Variants in MYOF observed in about 807,000 individuals in gnomAD.
MYOF encodes fer-1-like 3, myoferlin.
A neutral mutation model predicts 284.2 loss-of-function variants in MYOF; 244 were observed. The observed-to-expected ratio is 0.86, with a 90% CI of 0.77 to 0.95. The LOEUF is 0.95. Ranked by LOEUF, MYOF falls within the 40% of genes least tolerant of loss-of-function variation. The pLI is 0.00. For synonymous variants in MYOF, 904 were observed against 919.7 expected (o/e 0.98, Z 0.31); for missense variants, 2,496 against 2,560.6 (o/e 0.97, Z 0.54).
chr10:93,351,986 G>C (rs1180190973), intron 32 of MYOF, 140 bp from the exon 33 acceptor site: 2 of 768,082 alleles, frequency 2.6e-6, no homozygotes, highest in East Asian at 5.9e-5. Context: ...GGTTTCTAGG[G>C]AGCAGGGAGT....
At chr10:93,470,094 T>C (rs2134381362) in intron 1 of MYOF, among the ~76,000 whole-genome samples, 1 of 151,736 alleles carries the variant, frequency 6.6e-6, no homozygotes, top group Non-Finnish European at 1.5e-5. Context: ...CCAAGCATGA[T>C]GGTGCGCACC....
intron 24 of MYOF, 30 bp downstream of exon 24, chr10:93,372,900 T>A: frequency 6.2e-7 from 1 of 1,613,002 alleles, no homozygotes; most frequent in Non-Finnish European, 8.5e-7. Flanking sequence ...GCATTTAGTG[T>A]GTTTCACATG....
At position 93,351,207 on chromosome 10, in the gene MYOF, G is replaced by T; in HGVS notation, c.3911C>A (p.Thr1304Asn). 1 of 1,614,190 alleles carries T rather than the reference G, an allele frequency of 6.2e-7. No homozygotes were observed. The highest frequency in any genetic ancestry group is 8.5e-7 in the Non-Finnish European group (1 of 1,180,008). The change falls in exon 35 of 54, where the codon ACT (threonine) becomes AAT (asparagine). Residue 1304 changes from threonine to asparagine, a missense_variant. This residue lies in a region of MYOF where 2,436 missense variants were observed against 2,480.7 expected (regional missense o/e 0.98). Transcript: ENST00000359263. ...TGGGGAGCAGCATACCTCAATGGCA[G>T]TGAGCTGGACCACAGGCCTGATCCC... ...PQGIRPVVQLTAIEILAWGLR... is the reference protein window; with the variant it reads ...PQGIRPVVQLNAIEILAWGLR...
chr10:93,310,107 C>T lies in MYOF; in HGVS notation c.6060G>A (p.Val2020=). 1 of 1,614,148 alleles carries T rather than the reference C, an allele frequency of 6.2e-7. No individual in the cohort carries two copies. Among genetic ancestry groups the T allele is most frequent in the Non-Finnish European group, 8.5e-7 (1 of 1,180,032 alleles). The part of the protein sequence containing the change: ...TNPCKTMKFI[V]WRRFKWVIIG... ...TGATGACCCACTTAAAGCGGCGCCA[C>T]ACGATGAACTTCATGGTCTTGCATG... The change falls in exon 53 of 54, where the codon GTG becomes GTA. Residue 2020 remains valine, a synonymous_variant. Transcript: ENST00000359263.
rs765341682 is a variant in MYOF, at chr10:93,310,165, C to T, written c.6002G>A (p.Arg2001Gln). 8.7e-6 allele frequency: 14 copies of T among 1,613,690 alleles called. No homozygotes were observed. The highest frequency in any genetic ancestry group is 1.7e-5 in the Admixed American group (1 of 59,978). The change falls in exon 53 of 54, where the codon CGA (arginine) becomes CAA (glutamine). Residue 2001 changes from arginine (R) to glutamine (Q), a missense_variant and splice_region_variant. By Grantham distance (43) the Arg-to-Gln change is conservative (BLOSUM62 1). Coordinates refer to ENST00000359263, the MANE Select transcript of MYOF (RefSeq NM_013451.4). The part of the protein sequence containing the change: ...NMNPKLDLPN[R>Q]PETSFLWFTN... ...GAACCAGAGGAAGGAGGTTTCTGGT[C>T]GACTGCATTGCAAAGAAACAGTATC...
chr10:93,324,923 G>T (rs142413311), intron 46 of MYOF, among the ~76,000 whole-genome samples: 10 of 152,084 alleles, frequency 6.6e-5, no homozygotes, highest in Admixed American at 3.3e-4. Context: ...GGGGTTACAG[G>T]CACCCACCAC....
intron 4 of MYOF, 109 bp downstream of exon 4, chr10:93,431,299 C>T: frequency 1.2e-6 from 1 of 838,640 alleles, no homozygotes; most frequent in South Asian, 1.6e-5. Flanking sequence ...TCCCAAAGTG[C>T]TGGGATTACA....
At chr10:93,458,329 G>T (rs1356073519) in intron 1 of MYOF, among the ~76,000 whole-genome samples, 1 of 151,168 alleles carries the variant, frequency 6.6e-6, no homozygotes, top group Non-Finnish European at 1.5e-5. Context: ...CTCCAGCCTG[G>T]GAAACAAAGC....
intron 3 of MYOF, among the ~76,000 whole-genome samples, chr10:93,436,246 A>G (rs1849114570): frequency 1.3e-5 from 2 of 152,084 alleles, no homozygotes; most frequent in Non-Finnish European, 2.9e-5. Context: ...TGGTTTTACA[A>G]CCTCCATTCT....
At position 93,480,467 on chromosome 10, in the gene MYOF, CTTTTTTTTTTTTT is replaced by C. The variant is rs34363499; in HGVS notation, c.88+1627_88+1639del. On this transcript the variant is annotated intron_variant, in intron 1 of 53. Coordinates refer to ENST00000359263, the MANE Select transcript of MYOF (RefSeq NM_013451.4). Reference sequence around the variant, plus strand: ...TTTTAACCAACCAACAATTTGCCAGCTTTTTTTTTTTTTTTTTTTTTTTTTTGAGACGGAGTCT... The same window carrying C: ...TTTTAACCAACCAACAATTTGCCAGCTTTTTTTTTTTTTGAGACGGAGTCT... Among the ~76,000 whole-genome samples the C allele has an allele frequency of 1.2e-3, 87 of 71,776 alleles. 1 individual carries two copies. The highest frequency in any genetic ancestry group is 1.8e-3 in the Non-Finnish European group (77 of 41,926). 47.1% of individuals were successfully genotyped at this position (71,776 alleles called of 152,430 possible). A position where few individuals can be genotyped will look rare whatever the true frequency, so the allele number is the denominator to read the frequency against.
chr10:93,369,115 T>C (rs1482870129), intron 25 of MYOF, among the ~76,000 whole-genome samples: 2 of 141,744 alleles, frequency 1.4e-5, no homozygotes, highest in African/African-American at 5.5e-5. Flanking sequence ...GACAGCTTTT[T>C]TTTTTTTTTT....
intron 2 of MYOF, among the ~76,000 whole-genome samples, chr10:93,455,634 C>T (rs903408571): frequency 5.9e-5 from 9 of 152,154 alleles, no homozygotes; most frequent in African/African-American, 2.2e-4. Flanking sequence ...CACCGCACTC[C>T]AACCTGAGGG....
chr10:93,363,289 A>T (rs550303829), intron 27 of MYOF, among the ~76,000 whole-genome samples: 10 of 152,348 alleles, frequency 6.6e-5, no homozygotes, highest in African/African-American at 2.2e-4. Flanking sequence ...GGAGTGGAAT[A>T]TGGATTGGGG....
chr10:93,409,516 C>T, intron 6 of MYOF, 57 bp downstream of exon 6: 1 of 1,575,672 alleles, frequency 6.3e-7, no homozygotes, highest in Non-Finnish European at 8.6e-7. Context: ...CTGCAATTGC[C>T]AGAAGATGGG....
At chr10:93,392,400 G>T (rs1461699486) in intron 17 of MYOF, among the ~76,000 whole-genome samples, 1 of 152,196 alleles carries the variant, frequency 6.6e-6, no homozygotes, top group African/African-American at 2.4e-5. Context: ...ATGGTCAAGT[G>T]TGTGACAGTA....
At chr10:93,386,213 T>C (rs78820604) in intron 19 of MYOF, among the ~76,000 whole-genome samples, 9,266 of 152,200 alleles carry the variant, frequency 0.061, 294 homozygotes, top group Middle Eastern at 0.12. Context: ...CTCCAAGTGG[T>C]TTCTGGCTAT....
intron 9 of MYOF, among the ~76,000 whole-genome samples, chr10:93,403,747 C>T (rs995999787): frequency 2.0e-5 from 3 of 152,190 alleles, no homozygotes; most frequent in African/African-American, 7.2e-5. Context: ...CCATGGTCAA[C>T]ACCCCTTCCC....
intron 18 of MYOF, 76 bp from the exon 19 acceptor site, chr10:93,387,989 T>C (rs1846478913): frequency 1.7e-6 from 2 of 1,164,354 alleles, no homozygotes; most frequent in South Asian, 1.2e-5. Context: ...GTCAGGCTAA[T>C]ACAACTGCAA....
intron 17 of MYOF, among the ~76,000 whole-genome samples, chr10:93,391,095 C>CT: frequency 6.6e-6 from 1 of 152,328 alleles, no homozygotes. Context: ...TGTGTATTTG[C>CT]TTTTTGTTAA....
Sources: gnomAD v4.1 joint callset for allele counts (sites outside exome capture counted in the v4.1 genomes callset) on GRCh38, gnomAD v4.1.1 for gene constraint, gnomAD v4.1.1 regional missense constraint, MANE v1.5 for transcripts, NCBI Gene and HGNC (gene_info 2026-07-23, HGNC 2026-07-21) for gene names.